GOLGA3: variants seen among roughly 807,000 people sequenced by gnomAD.
The protein encoded by GOLGA3 is golgin A3.
In GOLGA3, 75 loss-of-function variants were observed where a neutral mutation model predicts 169.4. The ratio of observed to expected loss-of-function variants is 0.44; its 90% CI spans 0.37 to 0.54. The LOEUF (loss-of-function observed/expected upper bound fraction) is 0.54. Among genes scored for constraint, GOLGA3 ranks in the 20% least tolerant of loss-of-function variants. The pLI is 0.00. For missense variants in GOLGA3, 1,899 were observed against 1,930.0 expected, an observed-to-expected ratio of 0.98 and a Z score of 0.30; for synonymous variants, 824 against 822.4, an observed-to-expected ratio of 1.00 and a Z score of -0.03.
intron 8 of GOLGA3, among the ~76,000 whole-genome samples, chr12:132,800,853 A>G (rs1220457890): frequency 1.3e-5 from 2 of 152,148 alleles, no homozygotes; most frequent in African/African-American, 2.4e-5. Context: ...CAGCTAGTTA[A>G]GAGGCTGAGG....
rs780575322 is a variant in GOLGA3 at position 132,773,104 on chromosome 12, G to A, written c.*1C>T. On this transcript the variant is annotated 3_prime_UTR_variant, in exon 24 of 24. Coordinates refer to ENST00000450791, the MANE Select transcript of GOLGA3 (RefSeq NM_001389683.1). ...GGCGCACGGAGGCGAGTCCACAGCA[G>A]TCACTCTCCCGGCCCTTCTTTGGAA... The A allele has an allele frequency of 6.4e-7, 1 of 1,570,576 alleles. No homozygotes were observed. Among genetic ancestry groups the A allele is most frequent in the African/African-American group, 1.4e-5 (1 of 73,660 alleles).
At chr12:132,795,185 CAAA>C (rs56353207) in intron 11 of GOLGA3, among the ~76,000 whole-genome samples, 6 of 127,826 alleles carry the variant, frequency 4.7e-5, no homozygotes, top group Admixed American at 7.9e-5. Context: ...GACTCCATCT[CAAA>C]AAAAAAAAAA....
At chr12:132,816,450 C>T in intron 3 of GOLGA3, 90 bp downstream of exon 3, 3 of 1,364,226 alleles carry the variant, frequency 2.2e-6, no homozygotes, top group Non-Finnish European at 3.1e-6. Flanking sequence ...CACACAACAG[C>T]TCAGACAGTG....
intron 15 of GOLGA3, among the ~76,000 whole-genome samples, chr12:132,784,688 G>C (rs549055489): frequency 2.0e-5 from 3 of 151,142 alleles, no homozygotes; most frequent in South Asian, 4.2e-4. Context: ...CACACACCAC[G>C]TGCACATGTT....
rs1471335970 is a variant in GOLGA3 at position 132,816,653 on chromosome 12, G to A, written c.293C>T (p.Ala98Val). 10 of 1,614,054 alleles carry A rather than the reference G, an allele frequency of 6.2e-6. No individual in the cohort carries two copies. The highest frequency in any genetic ancestry group is 8.5e-6 in the Non-Finnish European group (10 of 1,180,018). Reference protein sequence around the residue: ...PVGPDASPGVAGFHDNLRKSQ... With the variant: ...PVGPDASPGVVGFHDNLRKSQ... Reference sequence around the variant, plus strand: ...CTTCCTTAGGTTGTCATGGAAACCAGCCACACCTGGAGAGGCATCAGGGCC... The same window carrying A: ...CTTCCTTAGGTTGTCATGGAAACCAACCACACCTGGAGAGGCATCAGGGCC... Residue 98 changes from alanine to valine, a missense_variant, in exon 3 of 24, where the codon GCT becomes GTT. Ala to Val is a moderately conservative substitution (Grantham distance 64). Transcript: ENST00000450791.
chr12:132,805,262 C>T (rs1333710247), intron 6 of GOLGA3, among the ~76,000 whole-genome samples: 5 of 126,626 alleles, frequency 3.9e-5, no homozygotes, highest in African/African-American at 1.6e-4. Flanking sequence ...CCCAAGACCC[C>T]CAGGCGCTCT....
rs1593296397 is a variant in GOLGA3 at position 132,795,940 on chromosome 12, C to G, written c.2381G>C (p.Arg794Thr). Residue 794 changes from arginine (R) to threonine (T), a missense_variant, in exon 11 of 24, where the codon AGA (arginine) becomes ACA (threonine). By Grantham distance (71) the Arg-to-Thr change is moderately conservative. Transcript: ENST00000450791. ...AAKSGKEELD[R>T]GARRLEEGTE... is the part of the protein sequence containing the mutation. ...ACCTTCTTCCAAGCGTCTTGCTCCT[C>G]TGTCAAGCTCCTCCTTGCCACTCTT... 2 of 1,614,126 alleles carry G rather than the reference C, an allele frequency of 1.2e-6. No homozygotes were observed. Among genetic ancestry groups the G allele is most frequent in the East Asian group, 4.5e-5 (2 of 44,886 alleles).
rs568829308 is a variant in GOLGA3 at position 132,787,115 on chromosome 12, A to C, written c.2812-328T>G. Reference sequence around the variant, plus strand: ...ACTACAGGTGCCCGCCACCATGCCCAGCTAATTTTTGTATTTTTAGTAGAG... The same window carrying C: ...ACTACAGGTGCCCGCCACCATGCCCCGCTAATTTTTGTATTTTTAGTAGAG... On this transcript the variant is annotated intron_variant, in intron 13 of 23. Coordinates refer to ENST00000450791, the MANE Select transcript of GOLGA3 (RefSeq NM_001389683.1). Among the ~76,000 whole-genome samples, 21 of 152,038 alleles carry C rather than the reference A, an allele frequency of 1.4e-4. 1 individual carries two copies. The East Asian group carries it at 4.1e-3, about 29-fold the overall frequency.
rs200000093 is a variant in GOLGA3, at chr12:132,784,759, C to T, written c.3124-452G>A. On this transcript the variant is annotated intron_variant, in intron 15 of 23. Coordinates refer to ENST00000450791, the MANE Select transcript of GOLGA3 (RefSeq NM_001389683.1). ...CCCACACGCACATGCTCACACCCCA[C>T]GTGTTCACACCCCACACCACACATG... Among the ~76,000 whole-genome samples the T allele has an allele frequency of 3.8e-4, 50 of 130,840 alleles. 1 individual carries two copies. The East Asian group carries it at 8.9e-3, about 23-fold the overall frequency. 85.8% of individuals were successfully genotyped at this position (130,840 alleles called of 152,430 possible).
chr12:132,811,824 G>T, intron 4 of GOLGA3: 1 of 963,568 alleles, frequency 1.0e-6, no homozygotes, highest in Non-Finnish European at 1.2e-6. Flanking sequence ...TCATTTTATT[G>T]ATCTTCTTCT....
intron 18 of GOLGA3, among the ~76,000 whole-genome samples, chr12:132,780,037 G>C (rs968729345): frequency 1.5e-5 from 2 of 129,874 alleles, no homozygotes; most frequent in South Asian, 5.3e-4. Flanking sequence ...GCCCTTGCAC[G>C]GACACCCCCC....
chr12:132,809,659 C>G (rs1423847338), intron 4 of GOLGA3, among the ~76,000 whole-genome samples: 1 of 152,198 alleles, frequency 6.6e-6, no homozygotes, highest in Non-Finnish European at 1.5e-5. Flanking sequence ...CCCTCAGCTC[C>G]TATCTCTGTA....
chr12:132,785,281 A>G (rs183375328), intron 15 of GOLGA3, among the ~76,000 whole-genome samples: 62 of 152,288 alleles, frequency 4.1e-4, no homozygotes, highest in African/African-American at 1.4e-3. Flanking sequence ...AACATTTTAC[A>G]AAGCAACCAG....
intron 18 of GOLGA3, among the ~76,000 whole-genome samples, chr12:132,780,003 ACACACGTGCG>A (rs986622505): frequency 4.5e-5 from 6 of 133,438 alleles, no homozygotes; most frequent in Non-Finnish European, 9.3e-5. Flanking sequence ...CACCCCAGGC[ACACACGTGCG>A]CACACACACC....
chr12:132,807,319 C>G (rs778672131), intron 5 of GOLGA3, 31 bp from the exon 6 acceptor site: 2 of 1,266,142 alleles, frequency 1.6e-6, no homozygotes, highest in East Asian at 2.6e-5. Flanking sequence ...CAGGCCTGTG[C>G]GAGCCATCCT....
chr12:132,814,631 T>C (rs891795364), intron 3 of GOLGA3, among the ~76,000 whole-genome samples: 2 of 152,198 alleles, frequency 1.3e-5, no homozygotes, highest in African/African-American at 4.8e-5. Context: ...GATAAGGCTC[T>C]GGCGGTACTC....
chr12:132,774,693 T>A, intron 22 of GOLGA3: 1 of 396,322 alleles, frequency 2.5e-6, no homozygotes, highest in Non-Finnish European at 4.5e-6. Context: ...GGCTCCCTTT[T>A]CTGGGACTTC....
intron 7 of GOLGA3, 143 bp from the exon 8 acceptor site, chr12:132,802,112 T>C (rs1195796745): frequency 2.1e-5 from 14 of 662,288 alleles, no homozygotes; most frequent in Non-Finnish European, 3.1e-5. Context: ...GCTGACTCCA[T>C]GAAGTCGCCG....
intron 1 of GOLGA3, 153 bp downstream of exon 1, chr12:132,828,649 CG>C (rs1193054257): frequency 6.6e-6 from 1 of 152,504 alleles, no homozygotes; most frequent in Non-Finnish European, 1.5e-5. Flanking sequence ...CGCAGCGAGG[CG>C]GGGGTGACTG....
Sources: gnomAD v4.1 joint callset for allele counts (sites outside exome capture counted in the v4.1 genomes callset) on GRCh38, gnomAD v4.1.1 for gene constraint, MANE v1.5 for transcripts, NCBI Gene and HGNC (gene_info 2026-07-23, HGNC 2026-07-21) for gene names.